The following SNTG1 variants were observed in gnomAD, a reference collection of about 807,000 sequenced individuals.
The protein encoded by SNTG1 is gamma-1-syntrophin.
A neutral mutation model predicts 74.7 loss-of-function variants in SNTG1; 39 were observed. That is an observed-to-expected ratio of 0.52 (90% confidence interval 0.40 to 0.68). SNTG1 has a LOEUF of 0.68. Ranked by LOEUF, SNTG1 falls within the 30% of genes least tolerant of loss-of-function variation. The probability of loss-of-function intolerance (pLI) is 0.00; values close to 1 mark genes in which losing one functional copy is unlikely to be tolerated. For missense variants in SNTG1, 685 were observed against 609.5 expected, an observed-to-expected ratio of 1.12 and a Z score of -1.30; for synonymous variants, 254 against 217.1, an observed-to-expected ratio of 1.17 and a Z score of -1.49.
Position 50,031,009 on chromosome 8 carries a change from T to A in SNTG1, c.-103+118778T>A, listed in dbSNP as rs981814540. 2.0e-4 allele frequency among the ~76,000 whole-genome samples: 30 copies of A among 152,076 alleles called. 1 individual carries two copies. Among genetic ancestry groups the A allele is most frequent in the Admixed American group, 7.9e-4 (12 of 15,258 alleles). ...ATTTAGTTCTTATTTGATTTTGGTG[T>A]CAGCAGTCCTTTATGATTTCAACAT... On this transcript the variant is annotated intron_variant, in intron 1 of 18. Coordinates refer to ENST00000642720, the MANE Select transcript of SNTG1 (RefSeq NM_018967.5).
At chr8:50,387,105 C>A (rs1035704553) in intron 2 of SNTG1, among the ~76,000 whole-genome samples, 4 of 152,264 alleles carry the variant, frequency 2.6e-5, no homozygotes, top group Middle Eastern at 3.4e-3. Flanking sequence ...CACCATAGGC[C>A]TCTCCGAGTT....
At chr8:50,517,076 A>G (rs932574329) in intron 9 of SNTG1, among the ~76,000 whole-genome samples, 1 of 152,194 alleles carries the variant, frequency 6.6e-6, no homozygotes, top group Non-Finnish European at 1.5e-5. Flanking sequence ...AGGGAAGCCC[A>G]TCAGACTAAC....
chr8:50,634,533 A>G (rs2095026215), intron 13 of SNTG1, among the ~76,000 whole-genome samples: 1 of 152,222 alleles, frequency 6.6e-6, no homozygotes, highest in Non-Finnish European at 1.5e-5. Context: ...TCTAAGAAAT[A>G]ATGAAGAGAA....
At chr8:50,707,216 A>G (rs1328673629) in intron 16 of SNTG1, among the ~76,000 whole-genome samples, 1 of 152,086 alleles carries the variant, frequency 6.6e-6, no homozygotes, top group Non-Finnish European at 1.5e-5. Flanking sequence ...ATTTTAATAC[A>G]CTGCACCGAA....
chr8:50,752,081 G>T lies in SNTG1; in HGVS notation c.1365G>T (p.Gln455His). Residue 455 changes from glutamine (Q) to histidine (H), a missense_variant, in exon 18 of 19, where the codon CAG becomes CAT. Coordinates refer to ENST00000642720, the MANE Select transcript of SNTG1 (RefSeq NM_018967.5). ...DGKSKIKFLF[Q>H]NPDTKQIEAK... is the part of the protein sequence containing the mutation. ...AGAGCAAAATCAAATTTTTGTTTCAGAATCCAGATACTAAACAGATTGAAG... is the reference window on the plus strand; with the variant it reads ...AGAGCAAAATCAAATTTTTGTTTCATAATCCAGATACTAAACAGATTGAAG... 1 of 1,567,176 alleles carries T rather than the reference G, an allele frequency of 6.4e-7. No homozygotes were observed.
At chr8:50,583,237 T>C (rs2094622997) in intron 12 of SNTG1, among the ~76,000 whole-genome samples, 1 of 151,856 alleles carries the variant, frequency 6.6e-6, no homozygotes, top group Non-Finnish European at 1.5e-5. Flanking sequence ...ACCCTGTCTC[T>C]ACTAAGAATA....
chr8:50,006,834 G>T (rs1390194944), intron 1 of SNTG1, among the ~76,000 whole-genome samples: 7 of 152,260 alleles, frequency 4.6e-5, no homozygotes, highest in African/African-American at 1.2e-4. Flanking sequence ...GTCAAGCTAC[G>T]TCTGCCAGTT....
At chr8:50,167,902 A>G (rs958938275) in intron 1 of SNTG1, among the ~76,000 whole-genome samples, 1 of 151,886 alleles carries the variant, frequency 6.6e-6, no homozygotes, top group Non-Finnish European at 1.5e-5. Flanking sequence ...TTAGAAAGCC[A>G]TTAATTAGTT....
intron 11 of SNTG1, among the ~76,000 whole-genome samples, chr8:50,539,611 C>T (rs1229785973): frequency 6.6e-6 from 1 of 152,148 alleles, no homozygotes; most frequent in Non-Finnish European, 1.5e-5. Context: ...CACCTGTCAG[C>T]ATGGAAGGGG....
intron 2 of SNTG1, among the ~76,000 whole-genome samples, chr8:50,314,624 T>A (rs965708177): frequency 1.3e-5 from 2 of 149,948 alleles, no homozygotes; most frequent in Non-Finnish European, 2.9e-5. Context: ...TTTCACACTT[T>A]TTGCTATTTC....
chr8:50,783,924 T>A (rs2131843666), intron 18 of SNTG1, among the ~76,000 whole-genome samples: 1 of 152,372 alleles, frequency 6.6e-6, no homozygotes, highest in Admixed American at 6.5e-5. Flanking sequence ...TGTTATTTAG[T>A]TATGATATTC....
intron 8 of SNTG1, among the ~76,000 whole-genome samples, chr8:50,480,542 A>G (rs373439168): frequency 7.2e-5 from 11 of 152,300 alleles, no homozygotes; most frequent in African/African-American, 2.6e-4. Context: ...CAAGGAAGTA[A>G]ATGGAAACAA....
At chr8:50,014,490 T>C (rs7833019) in intron 1 of SNTG1, among the ~76,000 whole-genome samples, 124,136 of 152,064 alleles carry the variant, frequency 0.82, 50,857 homozygotes, top group East Asian at 0.95. Flanking sequence ...TGAAATACTC[T>C]TGGGTATCTA....
chr8:50,281,369 G>C (rs771200153), intron 2 of SNTG1, among the ~76,000 whole-genome samples: 1 of 152,126 alleles, frequency 6.6e-6, no homozygotes, highest in Non-Finnish European at 1.5e-5. Context: ...TGGTTCATAG[G>C]GGGGTTCATT....
At chr8:50,023,663 T>A (rs1286289094) in intron 1 of SNTG1, among the ~76,000 whole-genome samples, 5 of 152,156 alleles carry the variant, frequency 3.3e-5, no homozygotes, top group African/African-American at 1.2e-4. Flanking sequence ...TGGGAACCTC[T>A]TTCCTGGTCT....
intron 15 of SNTG1, among the ~76,000 whole-genome samples, chr8:50,670,539 A>C (rs1362703573): frequency 2.0e-5 from 3 of 150,034 alleles, no homozygotes; most frequent in Admixed American, 6.6e-5. Context: ...AAGGAAATGA[A>C]AGAGGATACA....
chr8:50,009,796 G>A (rs1158819093), intron 1 of SNTG1, among the ~76,000 whole-genome samples: 1 of 152,116 alleles, frequency 6.6e-6, no homozygotes, highest in African/African-American at 2.4e-5. Flanking sequence ...TCAGGAGTTT[G>A]AGACCAGCCT....
chr8:50,637,197 A>T (rs1178945808), intron 13 of SNTG1, among the ~76,000 whole-genome samples: 1 of 152,132 alleles, frequency 6.6e-6, no homozygotes, highest in East Asian at 1.9e-4. Flanking sequence ...TACTAAAATT[A>T]TCTCTAAATC....
At chr8:50,089,894 A>G (rs1261002297) in intron 1 of SNTG1, among the ~76,000 whole-genome samples, 4 of 152,346 alleles carry the variant, frequency 2.6e-5, no homozygotes, top group African/African-American at 9.6e-5. Flanking sequence ...TGACCCAGCC[A>G]TCCCATTACT....
Sources: allele counts gnomAD v4.1 joint callset (sites outside exome capture counted in the v4.1 genomes callset), GRCh38; gene constraint gnomAD v4.1.1; transcripts MANE v1.5; gene names NCBI Gene and HGNC (gene_info 2026-07-23, HGNC 2026-07-21).